UTP20: variants seen among roughly 807,000 people sequenced by gnomAD.
The protein encoded by UTP20 is UTP20 small subunit processome component, also known as small subunit processome component 20 homolog.
UTP20 carries 164 observed loss-of-function variants against 329.5 expected under a neutral mutation model. The observed-to-expected ratio is 0.50, with a 90% CI of 0.44 to 0.57. UTP20 has a LOEUF of 0.57. Among genes scored for constraint, UTP20 ranks in the 20% least tolerant of loss-of-function variants. UTP20 has a pLI of 0.00. For synonymous variants in UTP20, 1,151 were observed against 1,159.3 expected (o/e 0.99, Z 0.14); for missense variants, 3,055 against 3,284.2 (o/e 0.93, Z 1.71).
intron 8 of UTP20, chr12:101,291,506 C>T (rs1046474336): frequency 1.9e-5 from 5 of 258,256 alleles, no homozygotes; most frequent in Non-Finnish European, 3.5e-5. Flanking sequence ...CGCCATTGCA[C>T]TCCAGCCTGG....
At chr12:101,299,307 A>T (rs909611078) in intron 12 of UTP20, among the ~76,000 whole-genome samples, 12 of 152,248 alleles carry the variant, frequency 7.9e-5, no homozygotes, top group African/African-American at 2.9e-4. Flanking sequence ...ACATCATTCT[A>T]CATTTGTGGA....
chr12:101,385,847 T>C, intron 61 of UTP20, 119 bp downstream of exon 61: 1 of 1,474,500 alleles, frequency 6.8e-7, no homozygotes, highest in Non-Finnish European at 9.1e-7. Context: ...GGGGACTTTA[T>C]AGCTGGGACT....
intron 21 of UTP20, among the ~76,000 whole-genome samples, chr12:101,314,620 T>C (rs1443126963): frequency 1.4e-5 from 2 of 148,026 alleles, no homozygotes; most frequent in Admixed American, 1.4e-4. Flanking sequence ...ATTGTGTCAC[T>C]GCACTCCAGC....
In UTP20 at chr12:101,354,979, C is replaced by T. The variant is rs1258423462; in HGVS notation, c.5255C>T (p.Ala1752Val). 1 of 1,614,046 alleles carries T rather than the reference C, an allele frequency of 6.2e-7. No individual in the cohort carries two copies. The change falls in exon 41 of 62, where the codon GCT (alanine) becomes GTT (valine). Residue 1752 changes from alanine to valine, a missense_variant. Around this residue, in one of 3 missense-constraint regions of UTP20, gnomAD observed 2,445 missense variants for 2,575.5 expected, o/e 0.95. Transcript: ENST00000261637. The part of the protein sequence containing the change: ...PDPADSGGTS[A>V]KESECITKPV... ...CCAGCTGACTCTGGAGGAACATCAG[C>T]TAAAGAATCCGAGTGTATCACAAAG...
At chr12:101,282,667 G>A (rs1426843679) in intron 2 of UTP20, among the ~76,000 whole-genome samples, 2 of 152,160 alleles carry the variant, frequency 1.3e-5, no homozygotes, top group African/African-American at 4.8e-5. Context: ...AATCTCTCTG[G>A]CTTTAGTGTG....
chr12:101,385,398 A>C (rs1424944360), intron 60 of UTP20, among the ~76,000 whole-genome samples, 185 bp from the exon 61 acceptor site: 2 of 152,134 alleles, frequency 1.3e-5, no homozygotes, highest in Non-Finnish European at 2.9e-5. Context: ...CTAGTTTTAT[A>C]TCAGTGTTTA....
chr12:101,333,225 A>G, intron 27 of UTP20, 76 bp from the exon 28 acceptor site: 1 of 1,440,786 alleles, frequency 6.9e-7, no homozygotes, highest in Non-Finnish European at 9.4e-7. Flanking sequence ...CCACCTGAGC[A>G]AGAGTGCCTC....
intron 18 of UTP20, among the ~76,000 whole-genome samples, chr12:101,308,734 G>GT (rs34029914): frequency 8.3e-4 from 120 of 144,150 alleles, no homozygotes; most frequent in Middle Eastern, 3.7e-3. Context: ...AGCTCTCTAT[G>GT]TTTTTTTTTT....
intron 11 of UTP20, among the ~76,000 whole-genome samples, chr12:101,293,823 C>G (rs1872251754): frequency 6.6e-6 from 1 of 152,180 alleles, no homozygotes; most frequent in Admixed American, 6.5e-5. Flanking sequence ...CAGGAAGACT[C>G]TTCATCTTGC....
At chr12:101,288,490 A>G (rs1000211940) in intron 5 of UTP20, among the ~76,000 whole-genome samples, 1 of 152,238 alleles carries the variant, frequency 6.6e-6, no homozygotes, top group Non-Finnish European at 1.5e-5. Context: ...GGCGTAACAC[A>G]GAGTAAGTGC....
At chr12:101,335,487 C>T (rs761183198) in intron 29 of UTP20, among the ~76,000 whole-genome samples, 1 of 152,170 alleles carries the variant, frequency 6.6e-6, no homozygotes, top group Non-Finnish European at 1.5e-5. Context: ...TAAATGCTGA[C>T]TTGTAATTGG....
intron 10 of UTP20, among the ~76,000 whole-genome samples, chr12:101,292,766 C>G (rs1330303444): frequency 6.6e-6 from 1 of 152,162 alleles, no homozygotes; most frequent in Non-Finnish European, 1.5e-5. Context: ...GGGTTTTATC[C>G]TGCATTAGTG....
chr12:101,293,200 T>C lies in UTP20; in HGVS notation c.1206T>C (p.Ile402=), dbSNP rs1872225367. ...IFESRFEKRL[I]FSFSEVMFAM... ...AGAGCAGATTTGAAAAACGTTTAAT[T>C]TTCAGTTTTTCTGAAGTCATGTTTG... The change falls in exon 11 of 62, where the codon ATT becomes ATC. Residue 402 remains isoleucine (I), a synonymous_variant. Coordinates refer to ENST00000261637, the MANE Select transcript of UTP20 (RefSeq NM_014503.3). 2.5e-6 allele frequency: 4 copies of C among 1,614,140 alleles called. No individual in the cohort carries two copies. The highest frequency in any genetic ancestry group is 3.4e-6 in the Non-Finnish European group (4 of 1,180,030).
At position 101,371,269 on chromosome 12, in the gene UTP20, C is replaced by T. The variant is rs991374988; in HGVS notation, c.6798+101C>T. The T allele has an allele frequency of 6.5e-5, 55 of 848,926 alleles. No homozygotes were observed. The South Asian group carries it at 1.1e-3, about 16-fold the overall frequency. 52.6% of individuals were successfully genotyped at this position (848,926 alleles called of 1,614,324 possible). ...CTGAATTCTGAAGACCACCTTGTGT[C>T]GTATTGTTGCTTTATGCTGAGACTT... On this transcript the variant is annotated intron_variant, in intron 51 of 61. Transcript: ENST00000261637.
intron 8 of UTP20, 157 bp downstream of exon 8, chr12:101,291,045 C>A: frequency 1.5e-6 from 1 of 675,128 alleles, no homozygotes; most frequent in African/African-American, 1.9e-5. Flanking sequence ...CTCTGCCCCC[C>A]TGTGCTATTT....
At chr12:101,351,978 T>C in intron 38 of UTP20, 77 bp from the exon 39 acceptor site, 1 of 1,546,144 alleles carries the variant, frequency 6.5e-7, no homozygotes. Flanking sequence ...TTACTAACTT[T>C]TTCAATATAC....
rs1565803282 is a variant in UTP20, at chr12:101,356,948, C to G, written c.5557C>G (p.Leu1853Val). Residue 1853 changes from leucine to valine, a missense_variant, in exon 43 of 62, where the codon CTA becomes GTA. Leu to Val is a conservative substitution (Grantham distance 32). Coordinates refer to ENST00000261637, the MANE Select transcript of UTP20 (RefSeq NM_014503.3). ...LPSILLKVCA[L>V]LKNRAQEIRD... ...TAGTATTTTGCTGAAAGTGTGTGCC[C>G]TACTCAAGAACAGAGCCCAAGAAAT... 1 of 1,611,730 alleles carries G rather than the reference C, an allele frequency of 6.2e-7. No homozygotes were observed. Among genetic ancestry groups the G allele is most frequent in the Non-Finnish European group, 8.5e-7 (1 of 1,179,588 alleles).
rs1209384071 is a variant in UTP20, at chr12:101,291,666, T to A, written c.892-76T>A. The A allele has an allele frequency of 4.8e-6, 7 of 1,443,376 alleles. No homozygotes were observed. In the African/African-American group the frequency reaches 1.0e-4, roughly 21 times the overall value. 89.4% of individuals were successfully genotyped at this position (1,443,376 alleles called of 1,614,324 possible). ...CAAGAGAATGGGAAAAGTTGAACTG[T>A]CCCACAGTTTTTATTGTTGGATTAA... On this transcript the variant is annotated intron_variant, in intron 8 of 61. Coordinates refer to ENST00000261637, the MANE Select transcript of UTP20 (RefSeq NM_014503.3).
rs2044254775 is a variant in UTP20 at position 101,305,982 on chromosome 12, G to A, written c.1849G>A (p.Gly617Ser). ...DLYYQRLALC[G>S]CKGPLSQEAL... Reference sequence around the variant, plus strand: ...CTATTATCAGAGATTAGCCTTGTGTGGCTGCAAAGGGCCACTTTCCCAGGA... The same window carrying A: ...CTATTATCAGAGATTAGCCTTGTGTAGCTGCAAAGGGCCACTTTCCCAGGA... Residue 617 changes from glycine (G) to serine (S), a missense_variant, in exon 16 of 62, where the codon GGC becomes AGC. By Grantham distance (56) the Gly-to-Ser change is moderately conservative. This residue lies in a region of UTP20 where 2,445 missense variants were observed against 2,575.5 expected (regional missense o/e 0.95). Transcript: ENST00000261637. The A allele has an allele frequency of 1.9e-6, 3 of 1,613,916 alleles. No individual in the cohort carries two copies. The highest frequency in any genetic ancestry group is 2.5e-6 in the Non-Finnish European group (3 of 1,179,940).
Sources: allele counts gnomAD v4.1 joint callset (sites outside exome capture counted in the v4.1 genomes callset), GRCh38; gene constraint gnomAD v4.1.1; regional missense constraint gnomAD v4.1.1; transcripts MANE v1.5; gene names NCBI Gene and HGNC (gene_info 2026-07-23, HGNC 2026-07-21).